CARS1: variants seen among roughly 807,000 people sequenced by gnomAD.
CARS1 encodes cysteine--tRNA ligase, cytoplasmic.
A neutral mutation model predicts 106.2 loss-of-function variants in CARS1; 48 were observed. That is an observed-to-expected ratio of 0.45 (90% confidence interval 0.36 to 0.57). The LOEUF is 0.57. Ranked by LOEUF, CARS1 falls within the 20% of genes least tolerant of loss-of-function variation. The pLI, the probability that CARS1 is intolerant of heterozygous loss-of-function variation, is 0.00. For synonymous variants in CARS1, 409 were observed against 403.4 expected (o/e 1.01, Z -0.17); for missense variants, 968 against 1,057.2 (o/e 0.92, Z 1.17).
chr11:3,039,576 G>A lies in CARS1; in HGVS notation c.552+259C>T, dbSNP rs1854153543. Among the ~76,000 whole-genome samples, 1 of 152,184 alleles carries A rather than the reference G, an allele frequency of 6.6e-6. No homozygotes were observed. The highest frequency in any genetic ancestry group is 1.9e-4 in the East Asian group (1 of 5,190). ...GCCACATGTCGAAGTGCGTGCTGTG[G>A]GAGGCCTTCCTTCTGCAAAACACCC... is the stretch of plus-strand genomic sequence containing the variant. On this transcript the variant is annotated intron_variant, in intron 5 of 22. Transcript: ENST00000380525. This position sits in a 1 kb window ranked among gnomAD's most constrained non-coding sequence, Gnocchi z 5.6.
Position 3,053,315 on chromosome 11 carries a change from C to A in CARS1, c.25+4028G>T, listed in dbSNP as rs1855879807. 6.6e-6 allele frequency among the ~76,000 whole-genome samples: 1 copy of A among 152,166 alleles called. No individual in the cohort carries two copies. Among genetic ancestry groups the A allele is most frequent in the Non-Finnish European group, 1.5e-5 (1 of 68,030 alleles). On this transcript the variant is annotated intron_variant, in intron 1 of 22. Coordinates refer to ENST00000380525, the MANE Select transcript of CARS1 (RefSeq NM_001014437.3). This position sits in a 1 kb window ranked among gnomAD's most constrained non-coding sequence, Gnocchi z 6.6. ...GCATGATCTCGGCTCACTGCAAACTCTGCCTCCCGGGTTCAAGCGATTCTC... is the reference window on the plus strand; with the variant it reads ...GCATGATCTCGGCTCACTGCAAACTATGCCTCCCGGGTTCAAGCGATTCTC...
chr11:3,005,421 A>C lies in CARS1; in HGVS notation c.2162T>G (p.Val721Gly). Reference protein sequence around the residue: ...RFEDHEGLPTVVKLVDRNTLL... With the variant: ...RFEDHEGLPTGVKLVDRNTLL... ...GGTGTTTCTGTCTACCAGTTTCACC[A>C]CTGTGGGCAGTCCTGCAAAATAAAC... is the stretch of plus-strand genomic sequence containing the variant. Residue 721 changes from valine to glycine, a missense_variant, in exon 20 of 23, where the codon GTG becomes GGG. Transcript: ENST00000380525. 6.2e-7 allele frequency: 1 copy of C among 1,613,694 alleles called. No homozygotes were observed. The highest frequency in any genetic ancestry group is 1.1e-5 in the South Asian group (1 of 91,038).
At chr11:3,031,473 C>CATCT (rs1192326373) in intron 7 of CARS1, 1 of 152,206 alleles carries the variant, frequency 6.6e-6, no homozygotes, top group African/African-American at 2.4e-5. Flanking sequence ...GTCAAGCATA[C>CATCT]AGATCAACAA....
intron 7 of CARS1, among the ~76,000 whole-genome samples, chr11:3,035,474 T>C (rs918238343): frequency 3.9e-5 from 6 of 152,122 alleles, no homozygotes; most frequent in African/African-American, 1.4e-4. Context: ...AAGAAGAAAT[T>C]TGCATAGACA....
In CARS1 at chr11:3,053,793, C is replaced by T. The variant is rs1321445899; in HGVS notation, c.25+3550G>A. Among the ~76,000 whole-genome samples, 1 of 152,168 alleles carries T rather than the reference C, an allele frequency of 6.6e-6. No homozygotes were observed. Among genetic ancestry groups the T allele is most frequent in the Non-Finnish European group, 1.5e-5 (1 of 68,024 alleles). ...CAGACCCCTTTACAGCAGGTCTGAG[C>T]TCCTAATAAGTGCCCCGGTTTGGTG... On this transcript the variant is annotated intron_variant, in intron 1 of 22. Coordinates refer to ENST00000380525, the MANE Select transcript of CARS1 (RefSeq NM_001014437.3). The surrounding 1 kb of genome is among the most constrained non-coding windows in gnomAD (Gnocchi z 6.6).
In CARS1 at chr11:3,029,566, G is replaced by T; in HGVS notation, c.802-123C>A. The T allele has an allele frequency of 9.9e-7, 1 of 1,008,198 alleles. No homozygotes were observed. The highest frequency in any genetic ancestry group is 1.4e-6 in the Non-Finnish European group (1 of 689,976). 62.5% of individuals were successfully genotyped at this position (1,008,198 alleles called of 1,614,324 possible). ...AGGTGCTGACCTTGACCTGTGAAGA[G>T]CCACCGTCTCCTAGGGAGACTGTGA... On this transcript the variant is annotated intron_variant, in intron 7 of 22. Transcript: ENST00000380525. This position sits in a 1 kb window ranked among gnomAD's most constrained non-coding sequence, Gnocchi z 5.9.
chr11:3,035,125 C>T (rs373441251), intron 7 of CARS1, among the ~76,000 whole-genome samples: 16 of 152,312 alleles, frequency 1.1e-4, no homozygotes, highest in African/African-American at 1.4e-4. Context: ...AAGGCCTTAC[C>T]TCTTAATACT....
Position 3,038,921 on chromosome 11 carries a change from A to G in CARS1, c.651+273T>C, listed in dbSNP as rs1854044342. On this transcript the variant is annotated intron_variant, in intron 6 of 22. Coordinates refer to ENST00000380525, the MANE Select transcript of CARS1 (RefSeq NM_001014437.3). The surrounding 1 kb of genome is among the most constrained non-coding windows in gnomAD (Gnocchi z 4.0). Reference sequence around the variant, plus strand: ...GGTAAGCATTTTTATAAGTGTAATTAGTGGCACTGTGATGAATTCAGTTGT... The same window carrying G: ...GGTAAGCATTTTTATAAGTGTAATTGGTGGCACTGTGATGAATTCAGTTGT... Among the ~76,000 whole-genome samples the G allele has an allele frequency of 6.6e-6, 1 of 152,232 alleles. No homozygotes were observed. Among genetic ancestry groups the G allele is most frequent in the South Asian group, 2.1e-4 (1 of 4,836 alleles).
intron 10 of CARS1, among the ~76,000 whole-genome samples, chr11:3,026,156 G>A (rs1026241596): frequency 1.3e-5 from 2 of 152,166 alleles, no homozygotes; most frequent in Non-Finnish European, 2.9e-5. Flanking sequence ...ACCTCAAGGA[G>A]GTGCAGCATA....
chr11:3,056,054 C>T (rs1338854824), intron 1 of CARS1, among the ~76,000 whole-genome samples: 2 of 152,178 alleles, frequency 1.3e-5, no homozygotes, highest in Non-Finnish European at 2.9e-5. Flanking sequence ...TCCAGGCACA[C>T]AGGTAGGGTG....
rs1472067793 is a variant in CARS1 at position 3,043,924 on chromosome 11, G to T, written c.275-1668C>A. On this transcript the variant is annotated intron_variant, in intron 2 of 22. Coordinates refer to ENST00000380525, the MANE Select transcript of CARS1 (RefSeq NM_001014437.3). The surrounding 1 kb of genome is among the most constrained non-coding windows in gnomAD (Gnocchi z 4.0). ...AGGTGAGTTCCAGTGGTCACAGGTGGTCAGATTCTAAAGCGTAGGCAATCT... is the reference window on the plus strand; with the variant it reads ...AGGTGAGTTCCAGTGGTCACAGGTGTTCAGATTCTAAAGCGTAGGCAATCT... Among the ~76,000 whole-genome samples the T allele has an allele frequency of 6.6e-6, 1 of 152,166 alleles. No homozygotes were observed. The highest frequency in any genetic ancestry group is 1.5e-5 in the Non-Finnish European group (1 of 68,022).
chr11:3,001,039 G>A lies in CARS1; in HGVS notation c.*75C>T, dbSNP rs1849353406. The A allele has an allele frequency of 1.5e-5, 23 of 1,527,268 alleles. No individual in the cohort carries two copies. The highest frequency in any genetic ancestry group is 2.1e-5 in the Non-Finnish European group (23 of 1,108,634). 94.6% of individuals were successfully genotyped at this position (1,527,268 alleles called of 1,614,324 possible). A position where few individuals can be genotyped will look rare whatever the true frequency, so the allele number is the denominator to read the frequency against. On this transcript the variant is annotated 3_prime_UTR_variant, in exon 23 of 23. Coordinates refer to ENST00000380525, the MANE Select transcript of CARS1 (RefSeq NM_001014437.3). The stretch of plus-strand genomic sequence containing the variant: ...AAGGGTGACTGTAAACATGATAGGA[G>A]CGCTGGGACATTGTCACTGAGGCAG...
chr11:3,002,203 G>T, intron 21 of CARS1, 150 bp from the exon 22 acceptor site: 1 of 692,306 alleles, frequency 1.4e-6, no homozygotes, highest in Non-Finnish European at 2.6e-6. Flanking sequence ...GGAAAGCCAA[G>T]GTGGAGGGAA....
Position 3,052,447 on chromosome 11 carries a change from G to C in CARS1, c.26-4446C>G, listed in dbSNP as rs1855795388. The stretch of plus-strand genomic sequence containing the variant: ...TTGTAATAGCCGCATGCTACACACA[G>C]AGAATTTCCTGGAGTTTTCCTAGGG... On this transcript the variant is annotated intron_variant, in intron 1 of 22. Coordinates refer to ENST00000380525, the MANE Select transcript of CARS1 (RefSeq NM_001014437.3). The surrounding 1 kb of genome is among the most constrained non-coding windows in gnomAD (Gnocchi z 4.6). 6.6e-6 allele frequency among the ~76,000 whole-genome samples: 1 copy of C among 152,218 alleles called. No individual in the cohort carries two copies. The highest frequency in any genetic ancestry group is 1.5e-5 in the Non-Finnish European group (1 of 68,026).
At position 3,010,415 on chromosome 11, in the gene CARS1, G is replaced by A. The variant is rs139369722; in HGVS notation, c.2068+1780C>T. Among the ~76,000 whole-genome samples, 274 of 152,374 alleles carry A rather than the reference G, an allele frequency of 1.8e-3. 2 individuals carry two copies. Among genetic ancestry groups the A allele is most frequent in the African/African-American group, 6.2e-3 (260 of 41,602 alleles). On this transcript the variant is annotated intron_variant, in intron 18 of 22. Transcript: ENST00000380525. ...CCAGCGATGCCGCTAAGTTAGTGCT[G>A]CCAAGATTGCTGGAGAGCCCTGCGC...
intron 1 of CARS1, among the ~76,000 whole-genome samples, chr11:3,051,330 T>C (rs1446364440): frequency 1.3e-5 from 2 of 152,190 alleles, no homozygotes; most frequent in African/African-American, 4.8e-5. Flanking sequence ...TGAGGGCCTC[T>C]CACCTGCCCC....
In CARS1 at chr11:3,028,704, C is replaced by T. The variant is rs990264895; in HGVS notation, c.1031+292G>A. ...ATGTCTGTGAAGGCCCAGCAGTATT[C>T]GCACTCACCATTATGCAGCTCTGGG... On this transcript the variant is annotated intron_variant, in intron 9 of 22. Transcript: ENST00000380525. This position sits in a 1 kb window ranked among gnomAD's most constrained non-coding sequence, Gnocchi z 4.4. 2.8e-5 allele frequency: 13 copies of T among 458,442 alleles called. No individual in the cohort carries two copies. The highest frequency in any genetic ancestry group is 5.9e-5 in the African/African-American group (3 of 50,984). 28.4% of individuals were successfully genotyped at this position (458,442 alleles called of 1,614,324 possible).
chr11:3,026,024 C>T (rs774260097), intron 10 of CARS1, among the ~76,000 whole-genome samples: 5 of 152,182 alleles, frequency 3.3e-5, no homozygotes, highest in Non-Finnish European at 7.3e-5. Context: ...AAAAAAATGA[C>T]ATCTTGTCTT....
rs1854691182 is a variant in CARS1 at position 3,043,079 on chromosome 11, G to T, written c.275-823C>A. Reference sequence around the variant, plus strand: ...TCTCAGCCTCCAGGCAGAGACCCCTGCCAGCCAGCCCCTCAGTGCAGTCAC... The same window carrying T: ...TCTCAGCCTCCAGGCAGAGACCCCTTCCAGCCAGCCCCTCAGTGCAGTCAC... On this transcript the variant is annotated intron_variant, in intron 2 of 22. Transcript: ENST00000380525. This position sits in a 1 kb window ranked among gnomAD's most constrained non-coding sequence, Gnocchi z 4.0. 6.6e-6 allele frequency among the ~76,000 whole-genome samples: 1 copy of T among 152,104 alleles called. No homozygotes were observed. Among genetic ancestry groups the T allele is most frequent in the Non-Finnish European group, 1.5e-5 (1 of 67,998 alleles).
Sources: allele counts gnomAD v4.1 joint callset (sites outside exome capture counted in the v4.1 genomes callset), GRCh38; gene constraint gnomAD v4.1.1; non-coding constraint Gnocchi (gnomAD v3.1); transcripts MANE v1.5; gene names NCBI Gene and HGNC (gene_info 2026-07-23, HGNC 2026-07-21).